The following RRBP1 variants were observed in gnomAD, a reference collection of about 807,000 sequenced individuals.
The protein encoded by RRBP1 is ribosome binding protein 1.
In RRBP1, 94 loss-of-function variants were observed where a neutral mutation model predicts 165.2. The ratio of observed to expected loss-of-function variants is 0.57; its 90% CI spans 0.48 to 0.68. RRBP1 has a LOEUF of 0.68. RRBP1 is among the 30% of genes least tolerant of loss of function. The pLI, the probability that RRBP1 is intolerant of heterozygous loss-of-function variation, is 0.00. For missense variants in RRBP1, 1,676 were observed against 1,763.0 expected (o/e 0.95, Z 0.88); for synonymous variants, 680 against 714.5 (o/e 0.95, Z 0.77).
At position 17,661,741 on chromosome 20, in the gene RRBP1, G is replaced by A. The variant is rs113675334; in HGVS notation, c.-21-1213C>T. Reference sequence around the variant, plus strand: ...AGGGGAAGTGGACAGGCCTCCCCCAGCATTGCCCTGCAAAACCTCTAGATG... The same window carrying A: ...AGGGGAAGTGGACAGGCCTCCCCCAACATTGCCCTGCAAAACCTCTAGATG... On this transcript the variant is annotated intron_variant, in intron 2 of 24. Transcript: ENST00000377813. Among the ~76,000 whole-genome samples, 606 of 152,232 alleles carry A rather than the reference G, an allele frequency of 4.0e-3. 9 individuals are homozygous for A. The highest frequency in any genetic ancestry group is 0.014 in the African/African-American group (568 of 41,524).
At chr20:17,621,404 C>T (rs1029333308) in intron 16 of RRBP1, 54 bp downstream of exon 16, 1 of 1,427,340 alleles carries the variant, frequency 7.0e-7, no homozygotes, top group East Asian at 2.3e-5. Flanking sequence ...CCCCGAAGCT[C>T]TCCTTCCCTG....
intron 3 of RRBP1, among the ~76,000 whole-genome samples, chr20:17,645,807 C>T (rs1212442564): frequency 1.3e-5 from 2 of 152,254 alleles, no homozygotes; most frequent in South Asian, 4.1e-4. Flanking sequence ...TCAGACTCAA[C>T]ACCTAGTCTG....
Position 17,621,712 on chromosome 20 carries a change from G to A in RRBP1, c.3302C>T (p.Pro1101Leu). 1 of 1,613,778 alleles carries A rather than the reference G, an allele frequency of 6.2e-7. No individual in the cohort carries two copies. Among genetic ancestry groups the A allele is most frequent in the East Asian group, 2.2e-5 (1 of 44,888 alleles). Residue 1101 changes from proline to leucine, a missense_variant, in exon 15 of 25, where the codon CCA (proline) becomes CTA (leucine). Pro to Leu is a moderately conservative substitution (Grantham distance 98, BLOSUM62 -3). Coordinates refer to ENST00000377813, the MANE Select transcript of RRBP1 (RefSeq NM_001365613.2). ...EKGPTLLKHP[P>L]APAEPSSDLA... ...TACCGAGGAGGGCTCCGCGGGAGCT[G>A]GCGGGTGCTTCAGCAGCGTGGGGCC... is the stretch of plus-strand genomic sequence containing the variant.
intron 2 of RRBP1, among the ~76,000 whole-genome samples, chr20:17,660,819 A>G (rs2036751941): frequency 6.6e-6 from 1 of 152,202 alleles, no homozygotes; most frequent in African/African-American, 2.4e-5. Flanking sequence ...CTCAGCAGCC[A>G]TGACCCTGAT....
intron 2 of RRBP1, among the ~76,000 whole-genome samples, chr20:17,665,674 T>G (rs1478342876): frequency 1.3e-5 from 2 of 152,234 alleles, no homozygotes; most frequent in African/African-American, 2.4e-5. Context: ...TAAAAATTTA[T>G]GCTGTCACAC....
At chr20:17,678,018 A>C (rs2037114322) in intron 2 of RRBP1, among the ~76,000 whole-genome samples, 1 of 152,228 alleles carries the variant, frequency 6.6e-6, no homozygotes, top group Admixed American at 6.5e-5. Flanking sequence ...AAAAAATCTA[A>C]GTTAGAAATC....
At chr20:17,632,511 T>G (rs780202177) in intron 8 of RRBP1, among the ~76,000 whole-genome samples, 12 of 152,216 alleles carry the variant, frequency 7.9e-5, no homozygotes, top group African/African-American at 1.2e-4. Flanking sequence ...ATTCAAACTG[T>G]TTCTTTGTCC....
chr20:17,626,477 C>A (rs2036022966), intron 11 of RRBP1, among the ~76,000 whole-genome samples: 1 of 152,224 alleles, frequency 6.6e-6, no homozygotes, highest in South Asian at 2.1e-4. Flanking sequence ...GGGCTGTGGC[C>A]TGGGGAGCTG....
chr20:17,661,701 G>A (rs1370622554), intron 2 of RRBP1, among the ~76,000 whole-genome samples: 1 of 152,162 alleles, frequency 6.6e-6, no homozygotes, highest in African/African-American at 2.4e-5. Context: ...GTAAAAGGAG[G>A]TGGAAGAGGA....
chr20:17,658,085 T>C (rs1022860278), intron 3 of RRBP1, among the ~76,000 whole-genome samples: 7 of 152,312 alleles, frequency 4.6e-5, no homozygotes, highest in South Asian at 4.1e-4. Context: ...TGCTCCCATA[T>C]GTTTAAGACA....
chr20:17,677,061 T>C (rs1055107688), intron 2 of RRBP1, among the ~76,000 whole-genome samples: 34 of 132,290 alleles, frequency 2.6e-4, no homozygotes, highest in African/African-American at 8.6e-4. Context: ...AAAATCTAGA[T>C]TTTAGTGAAA....
rs1185669952 is a variant in RRBP1 at position 17,660,405 on chromosome 20, C to T, written c.103G>A (p.Glu35Lys). The change falls in exon 3 of 25, where the codon GAA becomes AAA. Residue 35 changes from glutamate to lysine, a missense_variant. By Grantham distance (56) the Glu-to-Lys change is moderately conservative (BLOSUM62 1). Around this residue, in one of 5 missense-constraint regions of RRBP1, gnomAD observed 392 missense variants for 382.5 expected, o/e 1.02. Coordinates refer to ENST00000377813, the MANE Select transcript of RRBP1 (RefSeq NM_001365613.2). ...IFLVSTFSMK[E>K]TSYEEALANQ... ...GCTAGGGCTTCTTCATATGACGTTTCCTTCATGGAGAAAGTCGACACCAGG... is the reference window on the plus strand; with the variant it reads ...GCTAGGGCTTCTTCATATGACGTTTTCTTCATGGAGAAAGTCGACACCAGG... 1 of 1,614,132 alleles carries T rather than the reference C, an allele frequency of 6.2e-7. No homozygotes were observed. The highest frequency in any genetic ancestry group is 1.1e-5 in the South Asian group (1 of 91,076).
intron 7 of RRBP1, among the ~76,000 whole-genome samples, chr20:17,634,623 G>A (rs1040031953): frequency 6.6e-6 from 1 of 152,242 alleles, no homozygotes; most frequent in Non-Finnish European, 1.5e-5. Flanking sequence ...CTGCCTCAGC[G>A]TGACAAGTCT....
chr20:17,664,143 C>T (rs1600775530), intron 2 of RRBP1, among the ~76,000 whole-genome samples: 1 of 152,156 alleles, frequency 6.6e-6, no homozygotes, highest in South Asian at 2.1e-4. Context: ...ACCACTCTTG[C>T]ACTTTGGGGC....
chr20:17,673,344 T>C (rs1458284854), intron 2 of RRBP1, among the ~76,000 whole-genome samples: 1 of 152,214 alleles, frequency 6.6e-6, no homozygotes, highest in Admixed American at 6.5e-5. Flanking sequence ...GACAGGGCAG[T>C]GACTCAGTGG....
In RRBP1 at chr20:17,661,946, T is replaced by A. The variant is rs183567831; in HGVS notation, c.-21-1418A>T. On this transcript the variant is annotated intron_variant, in intron 2 of 24. Transcript: ENST00000377813. ...GACTGAGAAGGGAGACTGTTTTCAA[T>A]GTCTTGGCATTGTGTTCTAAGAAAA... Among the ~76,000 whole-genome samples the A allele has an allele frequency of 1.1e-3, 169 of 152,330 alleles. 1 individual carries two copies. Among genetic ancestry groups the A allele is most frequent in the Middle Eastern group, 6.8e-3 (2 of 294 alleles).
At chr20:17,615,365 G>T in intron 23 of RRBP1, 66 bp downstream of exon 23, 1 of 1,327,938 alleles carries the variant, frequency 7.5e-7, no homozygotes, top group Non-Finnish European at 1.0e-6. Context: ...CCTTTCCGAG[G>T]CCAAGAGTGG....
intron 9 of RRBP1, among the ~76,000 whole-genome samples, chr20:17,629,603 C>A (rs1324400763): frequency 6.6e-6 from 1 of 152,010 alleles, no homozygotes; most frequent in African/African-American, 2.4e-5. Context: ...TCCATCCCCC[C>A]ACCTCTGGAC....
intron 6 of RRBP1, 92 bp from the exon 7 acceptor site, chr20:17,635,756 A>C (rs529287858): frequency 1.1e-6 from 1 of 935,130 alleles, no homozygotes; most frequent in East Asian, 2.5e-5. Flanking sequence ...ACAGCCCACA[A>C]AAGAAAACCC....
Sources: allele counts gnomAD v4.1 joint callset (sites outside exome capture counted in the v4.1 genomes callset), GRCh38; gene constraint gnomAD v4.1.1; regional missense constraint gnomAD v4.1.1; transcripts MANE v1.5; gene names NCBI Gene and HGNC (gene_info 2026-07-23, HGNC 2026-07-21).